ATOH8: variants seen among roughly 807,000 people sequenced by gnomAD.
ATOH8 encodes atonal bHLH transcription factor 8.
Under a neutral mutation model 21.2 loss-of-function variants are expected in ATOH8, and 9 were observed. The observed-to-expected ratio is 0.42, with a 90% CI of 0.26 to 0.74. The LOEUF (loss-of-function observed/expected upper bound fraction) is 0.74. Ranked by LOEUF, ATOH8 falls within the 30% of genes least tolerant of loss-of-function variation. ATOH8 has a pLI of 0.24. For synonymous variants in ATOH8, 253 were observed against 224.0 expected (o/e 1.13, Z -1.16); for missense variants, 524 against 470.9 (o/e 1.11, Z -1.04).
intron 2 of ATOH8, among the ~76,000 whole-genome samples, chr2:85,781,510 G>T (rs1680493080): frequency 6.6e-6 from 1 of 152,076 alleles, no homozygotes; most frequent in Non-Finnish European, 1.5e-5. Flanking sequence ...AAGTTACCGT[G>T]AGCCAAGATC....
chr2:85,760,933 C>T (rs1679854471), intron 1 of ATOH8: 1 of 152,274 alleles, frequency 6.6e-6, no homozygotes, highest in Non-Finnish European at 1.5e-5. Context: ...CGAGCTCTTT[C>T]CACCATACTT....
At chr2:85,761,970 C>T (rs1679883703) in intron 1 of ATOH8, among the ~76,000 whole-genome samples, 1 of 152,154 alleles carries the variant, frequency 6.6e-6, no homozygotes, top group Non-Finnish European at 1.5e-5. Flanking sequence ...CTGTTGCCTT[C>T]TTCTCCCTCT....
chr2:85,779,948 G>A (rs1018633928), intron 2 of ATOH8, among the ~76,000 whole-genome samples: 4 of 152,192 alleles, frequency 2.6e-5, no homozygotes, highest in African/African-American at 9.7e-5. Flanking sequence ...TGAAGGGACC[G>A]TGGCAATCAC....
Position 85,785,507 on chromosome 2 carries a change from C to T in ATOH8, c.961-1378C>T, listed in dbSNP as rs1229215786. Reference sequence around the variant, plus strand: ...GCCCGGCTCCCTCGCCCTCCTTGGACCCCACTTCAGCCTTGCCCCAGACTT... The same window carrying T: ...GCCCGGCTCCCTCGCCCTCCTTGGATCCCACTTCAGCCTTGCCCCAGACTT... On this transcript the variant is annotated intron_variant, in intron 2 of 2. Coordinates refer to ENST00000306279, the MANE Select transcript of ATOH8 (RefSeq NM_032827.7). This position sits in a 1 kb window ranked among gnomAD's most constrained non-coding sequence, Gnocchi z 4.1. Among the ~76,000 whole-genome samples the T allele has an allele frequency of 6.6e-6, 1 of 152,252 alleles. No homozygotes were observed. Among genetic ancestry groups the T allele is most frequent in the East Asian group, 1.9e-4 (1 of 5,192 alleles).
chr2:85,757,513 T>C (rs781610980), intron 1 of ATOH8, among the ~76,000 whole-genome samples: 2 of 152,146 alleles, frequency 1.3e-5, no homozygotes, highest in Non-Finnish European at 2.9e-5. Context: ...CTGAGATGGG[T>C]TCTGGGATTG....
rs764879980 is a variant in ATOH8 at position 85,785,738 on chromosome 2, G to A, written c.961-1147G>A. On this transcript the variant is annotated intron_variant, in intron 2 of 2. Transcript: ENST00000306279. The surrounding 1 kb of genome is among the most constrained non-coding windows in gnomAD (Gnocchi z 4.1). ...CACTTCCTTCTCGGAGCCTGGGATT[G>A]CTCACTCATGAGAGGGGGGAATGGG... 1.6e-4 allele frequency among the ~76,000 whole-genome samples: 25 copies of A among 152,372 alleles called. No homozygotes were observed. Among genetic ancestry groups the A allele is most frequent in the Non-Finnish European group, 3.5e-4 (24 of 68,034 alleles).
At chr2:85,770,919 T>C (rs1192991287) in intron 2 of ATOH8, among the ~76,000 whole-genome samples, 2 of 152,054 alleles carry the variant, frequency 1.3e-5, no homozygotes, top group Non-Finnish European at 2.9e-5. Flanking sequence ...AAAAACCAGC[T>C]CTTCCTGCTC....
At chr2:85,770,737 G>A (rs559258548) in intron 2 of ATOH8, among the ~76,000 whole-genome samples, 17 of 152,226 alleles carry the variant, frequency 1.1e-4, no homozygotes, top group African/African-American at 3.9e-4. Flanking sequence ...GAGGCGAGGC[G>A]CAGGGAAAGG....
chr2:85,757,504 T>A (rs909904919), intron 1 of ATOH8, among the ~76,000 whole-genome samples: 1 of 152,258 alleles, frequency 6.6e-6, no homozygotes, highest in Non-Finnish European at 1.5e-5. Context: ...AGTGTGGCAC[T>A]GAGATGGGTT....
At chr2:85,762,211 A>G (rs999506706) in intron 1 of ATOH8, among the ~76,000 whole-genome samples, 2 of 152,240 alleles carry the variant, frequency 1.3e-5, no homozygotes, top group Non-Finnish European at 2.9e-5. Context: ...CAATATGACA[A>G]GGAAACCGAG....
rs1680598598 is a variant in ATOH8, at chr2:85,785,346, C to A, written c.961-1539C>A. 6.6e-6 allele frequency among the ~76,000 whole-genome samples: 1 copy of A among 152,262 alleles called. No individual in the cohort carries two copies. The highest frequency in any genetic ancestry group is 2.4e-5 in the African/African-American group (1 of 41,472). ...CAGACTCGGTAACACAAAGCAGATTCCTGCTGGGGCCAGCCATGCACAGTG... is the reference window on the plus strand; with the variant it reads ...CAGACTCGGTAACACAAAGCAGATTACTGCTGGGGCCAGCCATGCACAGTG... On this transcript the variant is annotated intron_variant, in intron 2 of 2. Transcript: ENST00000306279. The surrounding 1 kb of genome is among the most constrained non-coding windows in gnomAD (Gnocchi z 4.1).
chr2:85,768,651 G>A (rs879703414), intron 2 of ATOH8, among the ~76,000 whole-genome samples: 25 of 152,124 alleles, frequency 1.6e-4, no homozygotes, highest in African/African-American at 1.9e-4. Context: ...GAGGTCCCTC[G>A]CACCCCGAGG....
intron 1 of ATOH8, among the ~76,000 whole-genome samples, chr2:85,757,365 A>C (rs1376466566): frequency 1.3e-5 from 2 of 152,224 alleles, no homozygotes; most frequent in Non-Finnish European, 2.9e-5. Context: ...TCTCTGTAAA[A>C]TGTACTCCGC....
At chr2:85,784,451 A>G (rs1680573442) in intron 2 of ATOH8, among the ~76,000 whole-genome samples, 1 of 152,096 alleles carries the variant, frequency 6.6e-6, no homozygotes, top group African/African-American at 2.4e-5. Context: ...CTGAGGCTGG[A>G]GGATCGCTTG....
rs1192902053 is a variant in ATOH8 at position 85,785,173 on chromosome 2, G to A, written c.961-1712G>A. ...CCCCTTCTTCCTCAGGCCACGGGCA[G>A]GCTGAACAAGAGAAAAACCTTTTCT... is the stretch of plus-strand genomic sequence containing the variant. On this transcript the variant is annotated intron_variant, in intron 2 of 2. Coordinates refer to ENST00000306279, the MANE Select transcript of ATOH8 (RefSeq NM_032827.7). The surrounding 1 kb of genome is among the most constrained non-coding windows in gnomAD (Gnocchi z 4.1). 6.6e-6 allele frequency among the ~76,000 whole-genome samples: 1 copy of A among 152,256 alleles called. No homozygotes were observed. Among genetic ancestry groups the A allele is most frequent in the African/African-American group, 2.4e-5 (1 of 41,462 alleles).
In ATOH8 at chr2:85,766,488, A is replaced by T. The variant is rs1680019969; in HGVS notation, c.960+2306A>T. ...CTTCATGGTCTCGCAGACTCACATCATATGTGTGGTGACACATTTCTCATA... is the reference window on the plus strand; with the variant it reads ...CTTCATGGTCTCGCAGACTCACATCTTATGTGTGGTGACACATTTCTCATA... On this transcript the variant is annotated intron_variant, in intron 2 of 2. Coordinates refer to ENST00000306279, the MANE Select transcript of ATOH8 (RefSeq NM_032827.7). This position sits in a 1 kb window ranked among gnomAD's most constrained non-coding sequence, Gnocchi z 4.0. 6.6e-6 allele frequency among the ~76,000 whole-genome samples: 1 copy of T among 152,018 alleles called. No homozygotes were observed. The highest frequency in any genetic ancestry group is 6.5e-5 in the Admixed American group (1 of 15,278).
chr2:85,760,173 A>G (rs532177095), intron 1 of ATOH8, among the ~76,000 whole-genome samples: 1 of 152,058 alleles, frequency 6.6e-6, no homozygotes, highest in African/African-American at 2.4e-5. Context: ...ACCTTGCGAA[A>G]ATGCCAAAGT....
Position 85,787,035 on chromosome 2 carries a change from G to A in ATOH8, c.*145G>A, listed in dbSNP as rs568719924. On this transcript the variant is annotated 3_prime_UTR_variant, in exon 3 of 3. Transcript: ENST00000306279. ...GCCTACAGCCTCTCAGGGTCGGATC[G>A]GAGCACGCCTGCCTCCCTCTCCCCT... 1.9e-5 allele frequency: 20 copies of A among 1,047,678 alleles called. No homozygotes were observed. The African/African-American group carries it at 2.5e-4, about 13-fold the overall frequency. The allele number at this position is 1,047,678 out of a possible 1,614,324, so 64.9% of individuals were successfully genotyped here.
At chr2:85,767,657 CA>C (rs1680058832) in intron 2 of ATOH8, among the ~76,000 whole-genome samples, 1 of 150,340 alleles carries the variant, frequency 6.7e-6, no homozygotes, top group South Asian at 2.1e-4. Context: ...AATAATTTAC[CA>C]CATAGTCCCC....
Sources: allele counts gnomAD v4.1 joint callset (sites outside exome capture counted in the v4.1 genomes callset), GRCh38; gene constraint gnomAD v4.1.1; non-coding constraint Gnocchi (gnomAD v3.1); transcripts MANE v1.5; gene names NCBI Gene and HGNC (gene_info 2026-07-23, HGNC 2026-07-21).